RBMS2: variants seen among roughly 807,000 people sequenced by gnomAD.
RBMS2 encodes RNA binding motif single stranded interacting protein 2, also known as RNA-binding motif, single-stranded-interacting protein 2.
RBMS2 carries 38 observed loss-of-function variants against 58.4 expected under a neutral mutation model. The ratio of observed to expected loss-of-function variants is 0.65; its 90% CI spans 0.50 to 0.85. The LOEUF is 0.85. RBMS2 is among the 40% of genes least tolerant of loss of function. The pLI is 0.00. For missense variants in RBMS2, 367 were observed against 503.7 expected, an observed-to-expected ratio of 0.73 and a Z score of 2.60; for synonymous variants, 151 against 180.7, an observed-to-expected ratio of 0.84 and a Z score of 1.32.
In RBMS2 at chr12:56,593,623, T is replaced by G. The variant is rs1001001272; in HGVS notation, c.*4490T>G. 1 of 152,284 alleles carries G rather than the reference T, an allele frequency of 6.6e-6. No individual in the cohort carries two copies. Among genetic ancestry groups the G allele is most frequent in the Non-Finnish European group, 1.5e-5 (1 of 68,128 alleles). 9.4% of individuals were successfully genotyped at this position (152,284 alleles called of 1,614,324 possible). A position where few individuals can be genotyped will look rare whatever the true frequency, so the allele number is the denominator to read the frequency against. On this transcript the variant is annotated 3_prime_UTR_variant, in exon 14 of 14. Coordinates refer to ENST00000262031, the MANE Select transcript of RBMS2 (RefSeq NM_002898.4). The stretch of plus-strand genomic sequence containing the variant: ...GTGCAGTGGCGTGATCTTGGCTCAC[T>G]GAAACCTCCATCTCCTGGGTTCAAG...
intron 4 of RBMS2, among the ~76,000 whole-genome samples, chr12:56,570,696 G>A (rs1362297924): frequency 1.3e-5 from 2 of 152,150 alleles, no homozygotes; most frequent in Non-Finnish European, 2.9e-5. Flanking sequence ...TCCTGCCTCA[G>A]CCTCCCAAGT....
intron 9 of RBMS2, among the ~76,000 whole-genome samples, chr12:56,584,095 C>G (rs970536111): frequency 7.2e-5 from 11 of 152,134 alleles, no homozygotes; most frequent in African/African-American, 1.9e-4. Context: ...TGCTGCTGGT[C>G]CAGGGACCAT....
intron 10 of RBMS2, among the ~76,000 whole-genome samples, 162 bp from the exon 11 acceptor site, chr12:56,587,392 G>A (rs1884821130): frequency 6.6e-6 from 1 of 152,140 alleles, no homozygotes; most frequent in Non-Finnish European, 1.5e-5. Context: ...CACACTGACA[G>A]GCAGAGTTCC....
intron 1 of RBMS2, among the ~76,000 whole-genome samples, chr12:56,550,613 G>A (rs1878076629): frequency 1.3e-5 from 2 of 151,980 alleles, no homozygotes; most frequent in South Asian, 4.1e-4. Flanking sequence ...AGGCCGAGGT[G>A]GGTGGATCAC....
chr12:56,565,403 C>A (rs1380768847), intron 2 of RBMS2, among the ~76,000 whole-genome samples: 1 of 145,972 alleles, frequency 6.9e-6, no homozygotes, highest in African/African-American at 2.5e-5. Flanking sequence ...AGAAGAAAGA[C>A]TTTTTTTTTT....
intron 1 of RBMS2, among the ~76,000 whole-genome samples, chr12:56,552,330 A>G (rs1878417675): frequency 1.3e-5 from 2 of 152,216 alleles, no homozygotes; most frequent in African/African-American, 4.8e-5. Context: ...CTTGGTTACC[A>G]AGACAGAAAA....
intron 1 of RBMS2, among the ~76,000 whole-genome samples, chr12:56,537,164 A>G (rs1299841960): frequency 6.6e-6 from 1 of 151,250 alleles, no homozygotes. Flanking sequence ...CAAGCAGTCC[A>G]CTCACCTCAG....
At chr12:56,551,814 A>G (rs1228967096) in intron 1 of RBMS2, among the ~76,000 whole-genome samples, 1 of 152,210 alleles carries the variant, frequency 6.6e-6, no homozygotes, top group African/African-American at 2.4e-5. Flanking sequence ...GAGGCCAGGC[A>G]TGGTGGCTTA....
rs1270262748 is a variant in RBMS2, at chr12:56,588,927, C to T, written c.1144-5C>T. ...AGATGACCCCCCTCCTTGGCTATGG[C>T]ACAGGAGAGCAGCGGCCAACAGAAC... On this transcript the variant is annotated splice_polypyrimidine_tract_variant and splice_region_variant and intron_variant, in intron 12 of 13. Coordinates refer to ENST00000262031, the MANE Select transcript of RBMS2 (RefSeq NM_002898.4). The T allele has an allele frequency of 6.8e-6, 11 of 1,613,930 alleles. No individual in the cohort carries two copies. The highest frequency in any genetic ancestry group is 9.3e-6 in the Non-Finnish European group (11 of 1,179,968).
chr12:56,540,203 A>G (rs567296893), intron 1 of RBMS2, among the ~76,000 whole-genome samples: 1 of 152,250 alleles, frequency 6.6e-6, no homozygotes, highest in South Asian at 2.1e-4. Context: ...TGGTTTAGCT[A>G]AGCATTTTGT....
chr12:56,581,843 C>T lies in RBMS2; in HGVS notation c.743C>T (p.Ala248Val), dbSNP rs909802034. 9.3e-6 allele frequency: 15 copies of T among 1,614,126 alleles called. No homozygotes were observed. Among genetic ancestry groups the T allele is most frequent in the African/African-American group, 1.3e-5 (1 of 75,036 alleles). ...GTTCTTTCTTTATAGGGCGTCATGGCCTTGACCTATGACCCCACCACAGCT... is the reference window on the plus strand; with the variant it reads ...GTTCTTTCTTTATAGGGCGTCATGGTCTTGACCTATGACCCCACCACAGCT... ...WPRNADMGVM[A>V]LTYDPTTALQ... Residue 248 changes from alanine (A) to valine (V), a missense_variant, in exon 8 of 14, where the codon GCC becomes GTC. This residue lies in a region of RBMS2 where 220 missense variants were observed against 261.1 expected (regional missense o/e 0.84). Transcript: ENST00000262031.
At position 56,581,393 on chromosome 12, in the gene RBMS2, C is replaced by T. The variant is rs1455411070; in HGVS notation, c.623-6C>T. On this transcript the variant is annotated splice_region_variant and splice_polypyrimidine_tract_variant and intron_variant, in intron 6 of 13. Coordinates refer to ENST00000262031, the MANE Select transcript of RBMS2 (RefSeq NM_002898.4). ...TCAGCTGCCCATCTGCCTTCTCTCT[C>T]GGCAGCCCCATCCGATCCCTTGCTT... 10 of 1,613,852 alleles carry T rather than the reference C, an allele frequency of 6.2e-6. No homozygotes were observed. Among genetic ancestry groups the T allele is most frequent in the African/African-American group, 5.3e-5 (4 of 74,920 alleles).
intron 1 of RBMS2, among the ~76,000 whole-genome samples, chr12:56,536,200 CAAAAAAA>C (rs71446560): frequency 0.47 from 35,765 of 76,026 alleles, 6,406 homozygotes; most frequent in East Asian, 0.59. Context: ...AACTCTGTCT[CAAAAAAA>C]AAAAAAAAAA....
chr12:56,545,937 CT>C (rs778671118), intron 1 of RBMS2, among the ~76,000 whole-genome samples: 47 of 14,362 alleles, frequency 3.3e-3, no homozygotes, highest in Non-Finnish European at 0.012. Context: ...CCTTTCTTTT[CT>C]TTTTTTTTTT....
At chr12:56,524,393 C>T (rs115115814) in intron 1 of RBMS2, among the ~76,000 whole-genome samples, 2,424 of 151,016 alleles carry the variant, frequency 0.016, 66 homozygotes, top group African/African-American at 0.053. Flanking sequence ...AGTTTGTGAA[C>T]GTGGAGGGTT....
rs137982078 is a variant in RBMS2 at position 56,535,265 on chromosome 12, T to A, written c.66+13176T>A. ...ACCTCAGCACTTTGGGAGGCTGAGG[T>A]GAGCAGATTGCTTGAGCTCAGGAGT... On this transcript the variant is annotated intron_variant, in intron 1 of 13. Coordinates refer to ENST00000262031, the MANE Select transcript of RBMS2 (RefSeq NM_002898.4). Among the ~76,000 whole-genome samples the A allele has an allele frequency of 2.8e-3, 422 of 151,996 alleles. 3 individuals are homozygous for A. Among genetic ancestry groups the A allele is most frequent in the African/African-American group, 9.6e-3 (400 of 41,470 alleles).
intron 9 of RBMS2, among the ~76,000 whole-genome samples, chr12:56,586,236 G>A (rs1884652938): frequency 6.6e-6 from 1 of 152,118 alleles, no homozygotes; most frequent in Admixed American, 6.5e-5. Context: ...GGAGGCTGAG[G>A]TGGGAGAATG....
rs897433024 is a variant in RBMS2, at chr12:56,590,776, T to C, written c.*1643T>C. The stretch of plus-strand genomic sequence containing the variant: ...GGGATTCAGGTGGGCATTGTTCTGG[T>C]GTGTGCTGTGCAATGGTGGGAAAGG... On this transcript the variant is annotated 3_prime_UTR_variant, in exon 14 of 14. Transcript: ENST00000262031. The C allele has an allele frequency of 6.6e-6, 1 of 152,220 alleles. No homozygotes were observed. Among genetic ancestry groups the C allele is most frequent in the South Asian group, 2.1e-4 (1 of 4,826 alleles). The allele number at this position is 152,220 out of a possible 1,614,324, so 9.4% of individuals were successfully genotyped here. A position where few individuals can be genotyped will look rare whatever the true frequency, so the allele number is the denominator to read the frequency against.
At chr12:56,526,053 T>C (rs1009738206) in intron 1 of RBMS2, among the ~76,000 whole-genome samples, 4 of 151,930 alleles carry the variant, frequency 2.6e-5, no homozygotes, top group African/African-American at 9.7e-5. Flanking sequence ...ACGCCTGTAA[T>C]CCCAGCTCTT....
Sources: gnomAD v4.1 joint callset for allele counts (sites outside exome capture counted in the v4.1 genomes callset) on GRCh38, gnomAD v4.1.1 for gene constraint, gnomAD v4.1.1 regional missense constraint, MANE v1.5 for transcripts, NCBI Gene and HGNC (gene_info 2026-07-23, HGNC 2026-07-21) for gene names.